The following OLFML2B variants were observed in gnomAD, a reference collection of about 807,000 sequenced individuals.
The protein encoded by OLFML2B is olfactomedin like 2B.
Under a neutral mutation model 74.9 loss-of-function variants are expected in OLFML2B, and 57 were observed. The observed-to-expected ratio is 0.76, with a 90% CI of 0.61 to 0.95. The LOEUF (loss-of-function observed/expected upper bound fraction) is 0.95, where lower values mean the gene tolerates loss of function less well. Ranked by LOEUF, OLFML2B falls within the 40% of genes least tolerant of loss-of-function variation. OLFML2B has a pLI of 0.00. For synonymous variants in OLFML2B, 388 were observed against 405.8 expected, an observed-to-expected ratio of 0.96 and a Z score of 0.53; for missense variants, 986 against 970.6, an observed-to-expected ratio of 1.02 and a Z score of -0.21.
At chr1:162,016,008 T>C (rs10918462) in intron 3 of OLFML2B, among the ~76,000 whole-genome samples, 12,274 of 152,176 alleles carry the variant, frequency 0.081, 588 homozygotes, top group East Asian at 0.17. Flanking sequence ...CATCATAGCA[T>C]TGGAGGAGCT....
intron 4 of OLFML2B, among the ~76,000 whole-genome samples, chr1:162,003,843 G>T (rs1301994510): frequency 6.6e-6 from 1 of 152,106 alleles, no homozygotes; most frequent in Non-Finnish European, 1.5e-5. Context: ...TTTTGGCATG[G>T]GGTTCACAAA....
chr1:162,006,284 G>A lies in OLFML2B; in HGVS notation c.723+13C>T. 3.2e-6 allele frequency: 5 copies of A among 1,548,790 alleles called. No individual in the cohort carries two copies. Among genetic ancestry groups the A allele is most frequent in the Non-Finnish European group, 4.3e-6 (5 of 1,151,816 alleles). Reference sequence around the variant, plus strand: ...GGCTTGTGATCAGAGGCCCTTGGAGGCTGGGGCTATACCTCTGGGTGGGCG... The same window carrying A: ...GGCTTGTGATCAGAGGCCCTTGGAGACTGGGGCTATACCTCTGGGTGGGCG... On this transcript the variant is annotated intron_variant, in intron 4 of 7. Transcript: ENST00000294794.
intron 7 of OLFML2B, 75 bp from the exon 8 acceptor site, chr1:161,984,351 G>C: frequency 2.0e-6 from 3 of 1,496,878 alleles, no homozygotes; most frequent in Non-Finnish European, 2.7e-6. Context: ...TTAAGTGAGT[G>C]ATGATCAACG....
Position 162,023,317 on chromosome 1 carries a change from C to T in OLFML2B, c.114G>A (p.Ala38=), listed in dbSNP as rs1327375497. Residue 38 remains alanine (A), a synonymous_variant, in exon 1 of 8, where the codon GCG becomes GCA. Transcript: ENST00000294794. ...TSEPPDAQTV[A]PAEDETLQNE... The stretch of plus-strand genomic sequence containing the variant: ...TTTGCAGAGTCTCGTCCTCCGCAGG[C>T]GCCACTGTCTGCGCATCTGGGGGCT... 2 of 1,606,468 alleles carry T rather than the reference C, an allele frequency of 1.2e-6. No individual in the cohort carries two copies. The highest frequency in any genetic ancestry group is 1.1e-5 in the South Asian group (1 of 90,498).
chr1:162,004,668 C>G (rs1335507455), intron 4 of OLFML2B, among the ~76,000 whole-genome samples: 2 of 152,256 alleles, frequency 1.3e-5, no homozygotes. Context: ...GTTTCAAGCC[C>G]ACACACCCAG....
intron 3 of OLFML2B, among the ~76,000 whole-genome samples, chr1:162,008,598 A>G (rs529633331): frequency 6.6e-6 from 1 of 152,316 alleles, no homozygotes; most frequent in Admixed American, 6.5e-5. Flanking sequence ...AAATACAGAA[A>G]TGTTGGACTC....
Position 162,006,412 on chromosome 1 carries a change from C to T in OLFML2B, c.608G>A (p.Arg203Gln), listed in dbSNP as rs770108120. Residue 203 changes from arginine (R) to glutamine (Q), a missense_variant, in exon 4 of 8, where the codon CGA becomes CAA. Arg to Gln is a conservative substitution (Grantham distance 43). Coordinates refer to ENST00000294794, the MANE Select transcript of OLFML2B (RefSeq NM_015441.3). ...EQIKEDMEEI[R>Q]TEMNKRGKEN... ...TTTGCCTCGCTTATTCATCTCGGTT[C>T]GAATTTCTTCCATGTCCTCTTTGAT... 26 of 1,610,682 alleles carry T rather than the reference C, an allele frequency of 1.6e-5. No individual in the cohort carries two copies. The highest frequency in any genetic ancestry group is 5.4e-5 in the African/African-American group (4 of 74,234).
chr1:161,983,485 A>G lies in OLFML2B; in HGVS notation c.*190T>C. The stretch of plus-strand genomic sequence containing the variant: ...AAACTGGGGAGGATGAGACCAGCAC[A>G]TACACGTATGGATTGATCTACAATC... On this transcript the variant is annotated 3_prime_UTR_variant, in exon 8 of 8. Transcript: ENST00000294794. The G allele has an allele frequency of 1.7e-6, 1 of 586,170 alleles. No homozygotes were observed. The highest frequency in any genetic ancestry group is 2.9e-6 in the Non-Finnish European group (1 of 347,486). The allele number at this position is 586,170 out of a possible 1,614,324, so 36.3% of individuals were successfully genotyped here.
chr1:162,009,135 A>T (rs966463791), intron 3 of OLFML2B, among the ~76,000 whole-genome samples: 1 of 152,224 alleles, frequency 6.6e-6, no homozygotes, highest in African/African-American at 2.4e-5. Flanking sequence ...ATGAGGGGGA[A>T]GTAGGCAATA....
intron 4 of OLFML2B, among the ~76,000 whole-genome samples, chr1:162,002,965 C>A (rs1341894202): frequency 6.6e-6 from 1 of 152,184 alleles, no homozygotes; most frequent in African/African-American, 2.4e-5. Flanking sequence ...AGGTAGATAC[C>A]ATTATCCACA....
intron 3 of OLFML2B, among the ~76,000 whole-genome samples, chr1:162,014,627 C>A (rs1441617089): frequency 6.6e-6 from 1 of 152,146 alleles, no homozygotes; most frequent in Non-Finnish European, 1.5e-5. Flanking sequence ...TTTCAATTTA[C>A]CCAACATTCT....
At chr1:162,016,278 G>A (rs1570956388) in intron 3 of OLFML2B, among the ~76,000 whole-genome samples, 1 of 152,280 alleles carries the variant, frequency 6.6e-6, no homozygotes, top group Admixed American at 6.5e-5. Context: ...AGTAGGCAGG[G>A]TACTATTCTC....
intron 3 of OLFML2B, among the ~76,000 whole-genome samples, chr1:162,009,697 T>C (rs1475453527): frequency 6.6e-6 from 1 of 152,134 alleles, no homozygotes; most frequent in African/African-American, 2.4e-5. Flanking sequence ...ATCACCCCAT[T>C]GGCCTGCAGG....
At chr1:161,995,696 C>T (rs1483493492) in intron 6 of OLFML2B, among the ~76,000 whole-genome samples, 1 of 152,190 alleles carries the variant, frequency 6.6e-6, no homozygotes, top group African/African-American at 2.4e-5. Context: ...CTGGCAGACA[C>T]CATTGCCTGA....
chr1:161,995,050 C>T (rs1324381575), intron 6 of OLFML2B, among the ~76,000 whole-genome samples: 2 of 152,312 alleles, frequency 1.3e-5, no homozygotes, highest in Admixed American at 6.5e-5. Context: ...GATGTCATCA[C>T]ATCACGGTCT....
chr1:161,992,074 T>C (rs962979886), intron 6 of OLFML2B, among the ~76,000 whole-genome samples: 4 of 152,230 alleles, frequency 2.6e-5, no homozygotes, highest in African/African-American at 9.6e-5. Context: ...ACACTGAAAA[T>C]CTGTTGTTTA....
intron 6 of OLFML2B, among the ~76,000 whole-genome samples, chr1:161,989,035 C>T (rs539269774): frequency 2.6e-5 from 4 of 152,308 alleles, no homozygotes; most frequent in African/African-American, 9.6e-5. Context: ...CATCTTGACC[C>T]TGATCCTCCA....
At chr1:162,022,681 G>A (rs1690754305) in intron 1 of OLFML2B, among the ~76,000 whole-genome samples, 2 of 152,000 alleles carry the variant, frequency 1.3e-5, no homozygotes, top group Non-Finnish European at 2.9e-5. Context: ...TGGGTTACTC[G>A]GGCCCCCACT....
At chr1:162,007,102 A>G (rs747011985) in intron 3 of OLFML2B, among the ~76,000 whole-genome samples, 7 of 152,262 alleles carry the variant, frequency 4.6e-5, no homozygotes, top group Non-Finnish European at 7.3e-5. Context: ...CAAATTAGCC[A>G]TGTTCCAGAC....
Sources: allele counts gnomAD v4.1 joint callset (sites outside exome capture counted in the v4.1 genomes callset), GRCh38; gene constraint gnomAD v4.1.1; transcripts MANE v1.5; gene names NCBI Gene and HGNC (gene_info 2026-07-23, HGNC 2026-07-21).